Variants in COLEC12 observed in about 807,000 individuals in gnomAD.
COLEC12 encodes collectin-12.
COLEC12 carries 33 observed loss-of-function variants against 71.1 expected under a neutral mutation model. The ratio of observed to expected loss-of-function variants is 0.46; its 90% CI spans 0.35 to 0.62. The LOEUF is 0.62. COLEC12 is among the 20% of genes least tolerant of loss of function. The pLI is 0.00. For synonymous variants in COLEC12, 350 were observed against 353.0 expected, an observed-to-expected ratio of 0.99 and a Z score of 0.10; for missense variants, 765 against 916.1, an observed-to-expected ratio of 0.84 and a Z score of 2.13.
chr18:321,741 C>T lies in COLEC12; in HGVS notation c.2130G>A (p.Gly710=). 4.3e-6 allele frequency: 7 copies of T among 1,614,274 alleles called. No individual in the cohort carries two copies. Among genetic ancestry groups the T allele is most frequent in the Non-Finnish European group, 5.1e-6 (6 of 1,180,048 alleles). Residue 710 remains glycine (G), a synonymous_variant, in exon 9 of 10, where the codon GGG becomes GGA. Coordinates refer to ENST00000400256, the MANE Select transcript of COLEC12 (RefSeq NM_130386.3). The part of the protein sequence containing the change: ...HGHGPGEDCA[G]LIYAGQWNDF... Reference sequence around the variant, plus strand: ...CGTTCCACTGCCCAGCATAAATCAACCCAGCACAGTCTTCTCCTGGCCCAT... The same window carrying T: ...CGTTCCACTGCCCAGCATAAATCAATCCAGCACAGTCTTCTCCTGGCCCAT...
At chr18:335,846 G>A (rs1036897877) in intron 5 of COLEC12, among the ~76,000 whole-genome samples, 8 of 152,152 alleles carry the variant, frequency 5.3e-5, no homozygotes, top group Admixed American at 3.3e-4. Context: ...AGTGCACAAC[G>A]TTTTAGTGCC....
chr18:447,112 G>A (rs1018489820), intron 2 of COLEC12, among the ~76,000 whole-genome samples: 4 of 152,208 alleles, frequency 2.6e-5, no homozygotes, highest in African/African-American at 9.6e-5. Context: ...GTCACACGTG[G>A]AATCTCTCCC....
At chr18:394,240 T>G (rs933172457) in intron 2 of COLEC12, among the ~76,000 whole-genome samples, 3 of 152,012 alleles carry the variant, frequency 2.0e-5, no homozygotes, top group African/African-American at 7.3e-5. Flanking sequence ...AGGACAGGAG[T>G]CCAGAAAGGA....
chr18:382,119 T>A (rs1320931623), intron 2 of COLEC12, among the ~76,000 whole-genome samples: 1 of 152,180 alleles, frequency 6.6e-6, no homozygotes, highest in Non-Finnish European at 1.5e-5. Context: ...TACTAGCACA[T>A]ACCAGGTATA....
intron 2 of COLEC12, among the ~76,000 whole-genome samples, chr18:385,721 T>C (rs1384968204): frequency 1.3e-5 from 2 of 152,204 alleles, no homozygotes; most frequent in African/African-American, 2.4e-5. Flanking sequence ...CTTGAGTTTA[T>C]GGAATGTTTC....
intron 2 of COLEC12, among the ~76,000 whole-genome samples, chr18:407,087 G>A (rs1044159854): frequency 6.6e-6 from 1 of 152,246 alleles, no homozygotes. Flanking sequence ...ACACAGGGGT[G>A]AGAATTTCAG....
rs914405058 is a variant in COLEC12 at position 433,576 on chromosome 18, G to A, written c.58+47131C>T. On this transcript the variant is annotated intron_variant, in intron 2 of 9. Transcript: ENST00000400256. ...CATCAAGCTGTTACTCAGCCCAAAAGCCAATCAGCTCCAGGAGTTGTTTCT... is the reference window on the plus strand; with the variant it reads ...CATCAAGCTGTTACTCAGCCCAAAAACCAATCAGCTCCAGGAGTTGTTTCT... 7.4e-4 allele frequency among the ~76,000 whole-genome samples: 113 copies of A among 152,258 alleles called. 1 individual carries two copies. Among genetic ancestry groups the A allele is most frequent in the African/African-American group, 2.5e-3 (103 of 41,532 alleles).
At chr18:457,364 C>T (rs762814676) in intron 2 of COLEC12, among the ~76,000 whole-genome samples, 2 of 152,200 alleles carry the variant, frequency 1.3e-5, no homozygotes, top group African/African-American at 2.4e-5. Context: ...AACAGATCAG[C>T]ACACTCTGGA....
chr18:430,191 C>T (rs957984960), intron 2 of COLEC12, among the ~76,000 whole-genome samples: 6 of 152,048 alleles, frequency 3.9e-5, no homozygotes, highest in Non-Finnish European at 8.8e-5. Flanking sequence ...CAAAAATTAG[C>T]CAGGCGTGGT....
chr18:322,576 A>C (rs1328305659), intron 8 of COLEC12, among the ~76,000 whole-genome samples: 2 of 152,216 alleles, frequency 1.3e-5, no homozygotes, highest in African/African-American at 4.8e-5. Context: ...GTTTCCACGA[A>C]TAAATCAGGT....
At chr18:441,050 C>A (rs544861647) in intron 2 of COLEC12, among the ~76,000 whole-genome samples, 15 of 149,950 alleles carry the variant, frequency 1.0e-4, no homozygotes, top group Admixed American at 6.7e-4. Context: ...AGATGGAGAC[C>A]ATCCTGGCTA....
intron 2 of COLEC12, among the ~76,000 whole-genome samples, chr18:377,389 A>AG (rs1398933888): frequency 6.6e-6 from 1 of 152,248 alleles, no homozygotes; most frequent in Non-Finnish European, 1.5e-5. Flanking sequence ...CGTAGGAATT[A>AG]GGACTGGAAC....
At chr18:372,428 TG>T (rs1915020743) in intron 2 of COLEC12, among the ~76,000 whole-genome samples, 1 of 152,030 alleles carries the variant, frequency 6.6e-6, no homozygotes, top group Non-Finnish European at 1.5e-5. Flanking sequence ...TTTGTTTGTT[TG>T]TTTTTTGAGA....
At chr18:493,825 C>T (rs1485885110) in intron 1 of COLEC12, among the ~76,000 whole-genome samples, 1 of 152,246 alleles carries the variant, frequency 6.6e-6, no homozygotes, top group African/African-American at 2.4e-5. Flanking sequence ...GGTTTAAAAA[C>T]ATACTTATAC....
At chr18:375,940 T>G (rs748318994) in intron 2 of COLEC12, among the ~76,000 whole-genome samples, 4 of 152,222 alleles carry the variant, frequency 2.6e-5, no homozygotes, top group Non-Finnish European at 5.9e-5. Context: ...TTGATTTTGT[T>G]TTAAATTTTA....
intron 2 of COLEC12, among the ~76,000 whole-genome samples, chr18:407,951 G>A (rs1915822010): frequency 6.6e-6 from 1 of 152,206 alleles, no homozygotes; most frequent in Non-Finnish European, 1.5e-5. Context: ...AAGCTCCCCA[G>A]GTGATCTGGA....
chr18:407,602 G>T (rs1915815360), intron 2 of COLEC12, among the ~76,000 whole-genome samples: 2 of 152,188 alleles, frequency 1.3e-5, no homozygotes, highest in Admixed American at 6.5e-5. Flanking sequence ...TTTTATTCAG[G>T]TCATCAGTTG....
At chr18:366,436 T>C (rs1421027095) in intron 2 of COLEC12, among the ~76,000 whole-genome samples, 1 of 152,192 alleles carries the variant, frequency 6.6e-6, no homozygotes, top group Non-Finnish European at 1.5e-5. Flanking sequence ...CTAACTTCCT[T>C]TGTGCTTACT....
chr18:498,968 G>A (rs1917766012), intron 1 of COLEC12, among the ~76,000 whole-genome samples: 1 of 152,220 alleles, frequency 6.6e-6, no homozygotes, highest in Admixed American at 6.5e-5. Context: ...GAACCCACGT[G>A]GGAGCTGATG....
Sources: gnomAD v4.1 joint callset for allele counts (sites outside exome capture counted in the v4.1 genomes callset) on GRCh38, gnomAD v4.1.1 for gene constraint, MANE v1.5 for transcripts, NCBI Gene and HGNC (gene_info 2026-07-23, HGNC 2026-07-21) for gene names.